KDM4C: variants seen among roughly 807,000 people sequenced by gnomAD.
KDM4C encodes the protein lysine-specific demethylase 4C.
Under a neutral mutation model 129.3 loss-of-function variants are expected in KDM4C, and 81 were observed. The ratio of observed to expected loss-of-function variants is 0.63; its 90% confidence interval spans 0.52 to 0.75. The LOEUF is 0.75. Ranked by LOEUF, KDM4C falls within the 30% of genes least tolerant of loss-of-function variation. The probability of loss-of-function intolerance (pLI) is 0.00; values close to 1 mark genes in which losing one functional copy is unlikely to be tolerated. For missense variants in KDM4C, 1,457 were observed against 1,304.0 expected (o/e 1.12, Z -1.81); for synonymous variants, 573 against 456.1 (o/e 1.26, Z -3.26).
chr9:6,913,092 A>G (rs990592818), intron 8 of KDM4C, among the ~76,000 whole-genome samples: 11 of 152,232 alleles, frequency 7.2e-5, no homozygotes, highest in African/African-American at 2.7e-4. Context: ...TACTTGAGAC[A>G]TAACCTTGGT....
At chr9:7,164,417 A>T (rs1023839596) in intron 19 of KDM4C, among the ~76,000 whole-genome samples, 2 of 151,614 alleles carry the variant, frequency 1.3e-5, no homozygotes, top group Non-Finnish European at 1.5e-5. Context: ...CTGCCTTGGG[A>T]GGTGGCAATA....
At chr9:6,971,201 T>C (rs1831925333) in intron 8 of KDM4C, among the ~76,000 whole-genome samples, 1 of 152,216 alleles carries the variant, frequency 6.6e-6, no homozygotes, top group Non-Finnish European at 1.5e-5. Flanking sequence ...ATATAAGTTA[T>C]ACAAATGTGG....
chr9:6,947,618 G>A (rs575173735), intron 8 of KDM4C, among the ~76,000 whole-genome samples: 3 of 152,016 alleles, frequency 2.0e-5, no homozygotes, highest in Admixed American at 2.0e-4. Flanking sequence ...ATGGTATGAG[G>A]CCGAGACCAA....
intron 8 of KDM4C, among the ~76,000 whole-genome samples, chr9:6,977,999 G>A (rs149155552): frequency 1.5e-3 from 222 of 152,196 alleles, no homozygotes; most frequent in Admixed American, 3.9e-3. Flanking sequence ...TTGTGGTCAG[G>A]TTACCAAAAA....
At chr9:7,039,795 C>G (rs1225341395) in intron 15 of KDM4C, among the ~76,000 whole-genome samples, 1 of 151,960 alleles carries the variant, frequency 6.6e-6, no homozygotes, top group Non-Finnish European at 1.5e-5. Context: ...GTTGAGTAGG[C>G]TGAAAAGGAA....
chr9:6,849,665 C>A lies in KDM4C; in HGVS notation c.594C>A (p.Ser198Arg). 6.2e-7 allele frequency: 1 copy of A among 1,605,042 alleles called. No individual in the cohort carries two copies. Among genetic ancestry groups the A allele is most frequent in the Non-Finnish European group, 8.5e-7 (1 of 1,173,368 alleles). ...AWHTEDMDLYSINYLHFGEPK... is the reference protein window; with the variant it reads ...AWHTEDMDLYRINYLHFGEPK... ...ACACCGAAGACATGGACCTCTATAGCATTAATTATCTCCACTTTGGAGAGC... is the reference window on the plus strand; with the variant it reads ...ACACCGAAGACATGGACCTCTATAGAATTAATTATCTCCACTTTGGAGAGC... Residue 198 changes from serine to arginine, a missense_variant, in exon 5 of 22, where the codon AGC becomes AGA. By Grantham distance (110) the Ser-to-Arg change is moderately radical. Transcript: ENST00000381309.
intron 17 of KDM4C, among the ~76,000 whole-genome samples, chr9:7,055,486 A>G (rs145764670): frequency 5.9e-5 from 9 of 152,358 alleles, no homozygotes; most frequent in Middle Eastern, 6.8e-3. Context: ...CTGAGCTACA[A>G]GCCTTTCCGT....
chr9:7,077,142 G>A (rs1010188521), intron 17 of KDM4C: 4 of 985,318 alleles, frequency 4.1e-6, no homozygotes, highest in Admixed American at 1.2e-4. Flanking sequence ...TGGGCTGACA[G>A]ATGTTGAGAA....
chr9:7,013,684 A>T (rs1823111652), intron 13 of KDM4C, 104 bp from the exon 14 acceptor site: 1 of 1,068,118 alleles, frequency 9.4e-7, no homozygotes, highest in African/African-American at 1.6e-5. Flanking sequence ...GAAGAACAAA[A>T]GTTAGAAGTT....
chr9:6,730,356 C>G (rs1186945839), intron 1 of KDM4C, among the ~76,000 whole-genome samples: 1 of 152,108 alleles, frequency 6.6e-6, no homozygotes, highest in Non-Finnish European at 1.5e-5. Flanking sequence ...TGGCTCACGC[C>G]TGTAATTCCA....
intron 5 of KDM4C, among the ~76,000 whole-genome samples, chr9:6,852,589 G>A (rs1175971933): frequency 6.6e-6 from 1 of 152,186 alleles, no homozygotes; most frequent in Non-Finnish European, 1.5e-5. Flanking sequence ...TCTCCTTGTT[G>A]AGCTGTATCT....
At chr9:7,018,807 A>G (rs989344155) in intron 15 of KDM4C, among the ~76,000 whole-genome samples, 1 of 152,066 alleles carries the variant, frequency 6.6e-6, no homozygotes, top group African/African-American at 2.4e-5. Context: ...ATGATTAATC[A>G]CTCTTTGGAA....
intron 4 of KDM4C, among the ~76,000 whole-genome samples, chr9:6,839,210 A>G (rs1273956602): frequency 6.6e-6 from 1 of 152,110 alleles, no homozygotes; most frequent in Non-Finnish European, 1.5e-5. Context: ...TACAAGTCAA[A>G]TGAGGAAAGG....
intron 1 of KDM4C, among the ~76,000 whole-genome samples, chr9:6,792,224 T>C (rs1187164943): frequency 6.6e-6 from 1 of 151,390 alleles, no homozygotes; most frequent in Non-Finnish European, 1.5e-5. Context: ...GTGCCTGTAA[T>C]CCCAGCTACT....
In KDM4C at chr9:7,174,830, A is replaced by C; in HGVS notation, c.*101A>C. 1 of 1,003,756 alleles carries C rather than the reference A, an allele frequency of 1.0e-6. No homozygotes were observed. The highest frequency in any genetic ancestry group is 1.5e-6 in the Non-Finnish European group (1 of 664,130). The allele number at this position is 1,003,756 out of a possible 1,614,324, so 62.2% of individuals were successfully genotyped here. A position where few individuals can be genotyped will look rare whatever the true frequency, so the allele number is the denominator to read the frequency against. On this transcript the variant is annotated 3_prime_UTR_variant, in exon 22 of 22. Coordinates refer to ENST00000381309, the MANE Select transcript of KDM4C (RefSeq NM_015061.6). Reference sequence around the variant, plus strand: ...GCCGTGAGTTTTGCTGGCATAGGTGACAGGGTGTGTCTCTGACAGTGGTAA... The same window carrying C: ...GCCGTGAGTTTTGCTGGCATAGGTGCCAGGGTGTGTCTCTGACAGTGGTAA...
chr9:7,164,993 T>C (rs1050224651), intron 19 of KDM4C, among the ~76,000 whole-genome samples: 1 of 152,204 alleles, frequency 6.6e-6, no homozygotes, highest in South Asian at 2.1e-4. Flanking sequence ...AAATAGCAAA[T>C]GTAAATGCTG....
At chr9:6,789,655 C>T (rs112235182) in intron 1 of KDM4C, among the ~76,000 whole-genome samples, 4,628 of 152,000 alleles carry the variant, frequency 0.03, 246 homozygotes, top group African/African-American at 0.1. Context: ...TGTGAGCCAC[C>T]GTGCCTGGAC....
chr9:6,872,370 A>G (rs1389632689), intron 5 of KDM4C, among the ~76,000 whole-genome samples: 1 of 152,170 alleles, frequency 6.6e-6, no homozygotes, highest in Non-Finnish European at 1.5e-5. Context: ...AGAGTTCTGT[A>G]AATGTCTATT....
At chr9:7,065,542 G>A (rs918370643) in intron 17 of KDM4C, among the ~76,000 whole-genome samples, 1 of 151,948 alleles carries the variant, frequency 6.6e-6, no homozygotes, top group Non-Finnish European at 1.5e-5. Context: ...ACATATTTCC[G>A]CAAAAAGAAT....
Sources: gnomAD v4.1 joint callset for allele counts (sites outside exome capture counted in the v4.1 genomes callset) on GRCh38, gnomAD v4.1.1 for gene constraint, MANE v1.5 for transcripts, NCBI Gene and HGNC (gene_info 2026-07-23, HGNC 2026-07-21) for gene names.